PDS5B: variants seen among roughly 807,000 people sequenced by gnomAD.
The protein encoded by PDS5B is sister chromatid cohesion protein PDS5 homolog B.
In PDS5B, 51 loss-of-function variants were observed where a neutral mutation model predicts 184.1. That is an observed-to-expected ratio of 0.28 (90% CI 0.22 to 0.35). The LOEUF (loss-of-function observed/expected upper bound fraction) is 0.35, where lower values mean the gene tolerates loss of function less well. Ranked by LOEUF, PDS5B falls within the 10% of genes least tolerant of loss-of-function variation. The probability of loss-of-function intolerance (pLI) is 1.00; values close to 1 mark genes in which losing one functional copy is unlikely to be tolerated. For synonymous variants in PDS5B, 566 were observed against 569.2 expected, an observed-to-expected ratio of 0.99 and a Z score of 0.08; for missense variants, 1,180 against 1,723.3, an observed-to-expected ratio of 0.68 and a Z score of 5.58.
intron 21 of PDS5B, among the ~76,000 whole-genome samples, chr13:32,737,907 AC>A (rs1378901378): frequency 6.6e-6 from 1 of 152,130 alleles, no homozygotes; most frequent in African/African-American, 2.4e-5. Flanking sequence ...TTAATCTGTA[AC>A]AGCAACAAAA....
intron 19 of PDS5B, among the ~76,000 whole-genome samples, chr13:32,731,293 A>T (rs1162716873): frequency 6.6e-6 from 1 of 152,146 alleles, no homozygotes; most frequent in South Asian, 2.1e-4. Context: ...AGATGTTTGT[A>T]TAATAGTTTA....
chr13:32,655,376 T>TATATATA (rs1566290689), intron 3 of PDS5B, among the ~76,000 whole-genome samples: 19 of 63,410 alleles, frequency 3.0e-4, no homozygotes, highest in East Asian at 1.9e-3. Context: ...ATATATATAT[T>TATATATA]TTTTTTTTTT....
In PDS5B at chr13:32,735,270, T is replaced by G. The variant is rs368455066; in HGVS notation, c.2346T>G (p.Ala782=). The G allele has an allele frequency of 1.2e-6, 2 of 1,612,498 alleles. No homozygotes were observed. The highest frequency in any genetic ancestry group is 2.7e-5 in the African/African-American group (2 of 75,020). Residue 782 remains alanine (A), a synonymous_variant, in exon 21 of 35, where the codon GCT becomes GCG. Coordinates refer to ENST00000315596, the MANE Select transcript of PDS5B (RefSeq NM_015032.4). ...HIALLAPDQF[A]APLKSLVATF... The stretch of plus-strand genomic sequence containing the variant: ...CTCTCCTTGCACCTGATCAATTTGC[T>G]GCTCCTTTGAAATCTTTGGTAGCTA...
intron 1 of PDS5B, among the ~76,000 whole-genome samples, chr13:32,640,969 A>G (rs1340399620): frequency 1.3e-5 from 2 of 151,324 alleles, no homozygotes; most frequent in African/African-American, 4.9e-5. Flanking sequence ...AGGCAGGAGA[A>G]TGGCGTGAAC....
At chr13:32,764,888 TTTG>T (rs975412792) in intron 31 of PDS5B, among the ~76,000 whole-genome samples, 16 of 152,134 alleles carry the variant, frequency 1.1e-4, no homozygotes, top group African/African-American at 2.4e-4. Context: ...TGCTTGTGGT[TTTG>T]TTGTTGTTGT....
intron 19 of PDS5B, among the ~76,000 whole-genome samples, chr13:32,725,392 A>C (rs1196731408): frequency 6.6e-5 from 10 of 152,036 alleles, no homozygotes. Flanking sequence ...AGTCCTTTGA[A>C]ACAATCCCAA....
chr13:32,661,836 T>C (rs1036500447), intron 6 of PDS5B, among the ~76,000 whole-genome samples: 1 of 152,198 alleles, frequency 6.6e-6, no homozygotes, highest in African/African-American at 2.4e-5. Context: ...ACTTCTCATT[T>C]GCAGTGTTAG....
At position 32,770,103 on chromosome 13, in the gene PDS5B, AT is replaced by A. The variant is rs112309957; in HGVS notation, c.3625-8del. The A allele has an allele frequency of 0.42, 642,859 of 1,519,760 alleles. 135,766 individuals carry two copies. The highest frequency in any genetic ancestry group is 0.45 in the Non-Finnish European group (511,598 of 1,128,326). 94.1% of individuals were successfully genotyped at this position (1,519,760 alleles called of 1,614,324 possible). The stretch of plus-strand genomic sequence containing the variant: ...CACAATTTCATAACCATAAATTGTG[AT>A]TTTTTTTTTCCCCTAGTCTGAATTG... On this transcript the variant is annotated splice_polypyrimidine_tract_variant and intron_variant, in intron 31 of 34. Coordinates refer to ENST00000315596, the MANE Select transcript of PDS5B (RefSeq NM_015032.4).
chr13:32,686,918 A>G (rs1398535577), intron 11 of PDS5B, among the ~76,000 whole-genome samples: 2 of 152,116 alleles, frequency 1.3e-5, no homozygotes, highest in Non-Finnish European at 2.9e-5. Context: ...TTCTTTACAC[A>G]TGTTGATTTT....
chr13:32,634,335 A>G (rs1418912245), intron 1 of PDS5B, among the ~76,000 whole-genome samples: 1 of 152,194 alleles, frequency 6.6e-6, no homozygotes, highest in Non-Finnish European at 1.5e-5. Context: ...GTGCACATGT[A>G]TATGTACATG....
chr13:32,642,385 A>G (rs188916236), intron 1 of PDS5B, among the ~76,000 whole-genome samples: 7 of 152,332 alleles, frequency 4.6e-5, no homozygotes, highest in African/African-American at 1.7e-4. Context: ...AAAGATAGAA[A>G]TAAGTACAAT....
chr13:32,643,142 G>C (rs145376196), intron 1 of PDS5B, among the ~76,000 whole-genome samples: 64 of 152,232 alleles, frequency 4.2e-4, no homozygotes, highest in African/African-American at 1.4e-3. Flanking sequence ...ATAAGGCAGA[G>C]AGACTTTCTT....
At chr13:32,722,462 A>G (rs980981984) in intron 19 of PDS5B, among the ~76,000 whole-genome samples, 1 of 152,218 alleles carries the variant, frequency 6.6e-6, no homozygotes, top group Non-Finnish European at 1.5e-5. Flanking sequence ...TTATAATTGC[A>G]TATAGCATTC....
Position 32,678,889 on chromosome 13 carries a change from T to C in PDS5B, c.1017T>C (p.His339=). 1 of 1,608,322 alleles carries C rather than the reference T, an allele frequency of 6.2e-7. No individual in the cohort carries two copies. The highest frequency in any genetic ancestry group is 8.5e-7 in the Non-Finnish European group (1 of 1,174,798). ...IRLECVKFAS[H]CLMNHPDLAK... is the part of the protein sequence containing the mutation. ...TGGAATGTGTGAAATTTGCTAGCCA[T>C]TGTCTCATGAACCATCCTGATTTAG... The change falls in exon 10 of 35, where the codon CAT becomes CAC. Residue 339 remains histidine, a synonymous_variant. Transcript: ENST00000315596.
intron 23 of PDS5B, among the ~76,000 whole-genome samples, 165 bp from the exon 24 acceptor site, chr13:32,745,812 G>C (rs1365625541): frequency 1.3e-5 from 2 of 152,058 alleles, no homozygotes; most frequent in Non-Finnish European, 2.9e-5. Context: ...CTATCTCCTA[G>C]GTACTTGCAT....
chr13:32,775,097 C>CTTCTTTTTT lies in PDS5B; in HGVS notation c.*47_*48insCTTTTTTTT. On this transcript the variant is annotated 3_prime_UTR_variant, in exon 35 of 35. Coordinates refer to ENST00000315596, the MANE Select transcript of PDS5B (RefSeq NM_015032.4). ...TTCTCTGTGAAAGCTTTGGAAAAAT[C>CTTCTTTTTT]TTTTTTTTTTTTTTTGGTCAAGCTT... The CTTCTTTTTT allele has an allele frequency of 1.2e-6, 1 of 862,708 alleles. No homozygotes were observed. Among genetic ancestry groups the CTTCTTTTTT allele is most frequent in the Non-Finnish European group, 1.7e-6 (1 of 591,422 alleles). The allele number at this position is 862,708 out of a possible 1,614,324, so 53.4% of individuals were successfully genotyped here. A position where few individuals can be genotyped will look rare whatever the true frequency, so the allele number is the denominator to read the frequency against.
At chr13:32,612,131 G>A (rs2058153110) in intron 1 of PDS5B, among the ~76,000 whole-genome samples, 1 of 151,802 alleles carries the variant, frequency 6.6e-6, no homozygotes, top group Non-Finnish European at 1.5e-5. Context: ...AATTTCTCAG[G>A]GAGTTTTCCT....
chr13:32,747,050 C>CA (rs1953771628), intron 24 of PDS5B, among the ~76,000 whole-genome samples: 1 of 152,144 alleles, frequency 6.6e-6, no homozygotes, highest in African/African-American at 2.4e-5. Context: ...CCTTATTACT[C>CA]AGTGAGTTAA....
chr13:32,587,251 C>T (rs190298061), intron 1 of PDS5B, among the ~76,000 whole-genome samples: 11 of 151,836 alleles, frequency 7.2e-5, no homozygotes, highest in South Asian at 4.1e-4. Context: ...TTTGCACTGT[C>T]CCTCGCCGCT....
Sources: gnomAD v4.1 joint callset for allele counts (sites outside exome capture counted in the v4.1 genomes callset) on GRCh38, gnomAD v4.1.1 for gene constraint, MANE v1.5 for transcripts, NCBI Gene and HGNC (gene_info 2026-07-23, HGNC 2026-07-21) for gene names.